Variants in RASA1 observed in about 807,000 individuals in gnomAD.
The protein encoded by RASA1 is RAS p21 protein activator 1, also known as ras GTPase-activating protein 1.
In RASA1, 25 loss-of-function variants were observed where a neutral mutation model predicts 132.2. That is an observed-to-expected ratio of 0.19 (90% CI 0.14 to 0.26). The LOEUF is 0.26. Ranked by LOEUF, RASA1 falls within the 10% of genes least tolerant of loss-of-function variation. The pLI, the probability that RASA1 is intolerant of heterozygous loss-of-function variation, is 1.00. For missense variants in RASA1, 964 were observed against 1,299.2 expected, an observed-to-expected ratio of 0.74 and a Z score of 3.97; for synonymous variants, 477 against 449.9, an observed-to-expected ratio of 1.06 and a Z score of -0.76.
At chr5:87,328,143 A>AT (rs1757367309) in intron 1 of RASA1, among the ~76,000 whole-genome samples, 1 of 152,194 alleles carries the variant, frequency 6.6e-6, no homozygotes, top group South Asian at 2.1e-4. Context: ...AAAACTTATT[A>AT]TTGCTATGTG....
intron 1 of RASA1, among the ~76,000 whole-genome samples, chr5:87,298,970 G>A (rs1755237517): frequency 6.6e-6 from 1 of 152,160 alleles, no homozygotes; most frequent in African/African-American, 2.4e-5. Context: ...TGCATTTTGG[G>A]CCTGTGCTCT....
At chr5:87,338,901 C>G (rs1014018207) in intron 5 of RASA1, among the ~76,000 whole-genome samples, 1 of 151,996 alleles carries the variant, frequency 6.6e-6, no homozygotes, top group African/African-American at 2.4e-5. Flanking sequence ...TTGTTTCCAT[C>G]ATATAATACG....
At chr5:87,366,630 GA>G (rs1168920105) in intron 11 of RASA1, 1 of 159,232 alleles carries the variant, frequency 6.3e-6, no homozygotes, top group Non-Finnish European at 1.4e-5. Context: ...GAAGACATTA[GA>G]AAAAGTCTTT....
intron 6 of RASA1, among the ~76,000 whole-genome samples, chr5:87,342,313 C>T (rs1483141392): frequency 1.3e-5 from 2 of 152,068 alleles, no homozygotes; most frequent in East Asian, 3.9e-4. Flanking sequence ...CGCACAACAC[C>T]ATGCTAGGCT....
chr5:87,374,304 G>C lies in RASA1; in HGVS notation c.1918G>C (p.Glu640Gln). The change falls in exon 14 of 25, where the codon GAA (glutamate) becomes CAA (glutamine). Residue 640 changes from glutamate (E) to glutamine (Q), a missense_variant. Glu to Gln is a conservative substitution (Grantham distance 29, BLOSUM62 2). This residue lies in a region of RASA1 where 346 missense variants were observed against 520.1 expected (regional missense o/e 0.67). Transcript: ENST00000274376. ...GGAAGGGCAAAACCCAGTATGGTCA[G>C]AAGAGTTTGTCTTTGAGTAAGTCTT... ...AREGQNPVWS[E>Q]EFVFDDLPPD... 1 of 1,606,538 alleles carries C rather than the reference G, an allele frequency of 6.2e-7. No homozygotes were observed. Among genetic ancestry groups the C allele is most frequent in the African/African-American group, 1.3e-5 (1 of 74,754 alleles).
intron 11 of RASA1, among the ~76,000 whole-genome samples, chr5:87,367,571 C>CT (rs1311883464): frequency 8.5e-5 from 13 of 152,302 alleles, no homozygotes; most frequent in Non-Finnish European, 1.8e-4. Flanking sequence ...TAAGAGATCT[C>CT]TAAGCACTCC....
At chr5:87,277,492 G>GT (rs980653889) in intron 1 of RASA1, among the ~76,000 whole-genome samples, 24 of 152,306 alleles carry the variant, frequency 1.6e-4, no homozygotes, top group African/African-American at 5.8e-4. Flanking sequence ...AAAAGGTCAT[G>GT]TGAGGACATG....
chr5:87,283,343 C>T (rs765123973), intron 1 of RASA1, among the ~76,000 whole-genome samples: 4 of 151,690 alleles, frequency 2.6e-5, no homozygotes, highest in South Asian at 2.1e-4. Flanking sequence ...TCAACATTAA[C>T]ATGTTTATTT....
rs3069490 is a variant in RASA1, at chr5:87,338,501, T to TTATATA, written c.1017+437_1017+442dup. On this transcript the variant is annotated intron_variant, in intron 5 of 24. Transcript: ENST00000274376. ...CATGTGCCACCATGCCCAGCTAATT[T>TTATATA]TATATATATATATATATATATATAT... Among the ~76,000 whole-genome samples, 210 of 75,656 alleles carry TTATATA rather than the reference T, an allele frequency of 2.8e-3. 2 individuals carry two copies. Among genetic ancestry groups the TTATATA allele is most frequent in the African/African-American group, 8.7e-3 (178 of 20,546 alleles). The allele number at this position is 75,656 out of a possible 152,430, so 49.6% of individuals were successfully genotyped here.
intron 1 of RASA1, among the ~76,000 whole-genome samples, chr5:87,319,264 T>C (rs1756592943): frequency 6.6e-6 from 1 of 152,232 alleles, no homozygotes; most frequent in African/African-American, 2.4e-5. Flanking sequence ...TGGAGGATGA[T>C]GGCCCTCTTC....
At position 87,271,452 on chromosome 5, in the gene RASA1, CTTTTTTTTTTTTTTTTTTT is replaced by C. The variant is rs201918763; in HGVS notation, c.539+2476_539+2494del. Among the ~76,000 whole-genome samples the C allele has an allele frequency of 1.4e-3, 52 of 38,224 alleles. 1 individual carries two copies. The highest frequency in any genetic ancestry group is 0.012 in the East Asian group (33 of 2,772). The allele number at this position is 38,224 out of a possible 152,430, so 25.1% of individuals were successfully genotyped here. A position where few individuals can be genotyped will look rare whatever the true frequency, so the allele number is the denominator to read the frequency against. ...AAAAAAAACTGTTTTTAGTAGACTT[CTTTTTTTTTTTTTTTTTTT>C]TTTTTTTTTTTTTGAGAGATGGAGT... On this transcript the variant is annotated intron_variant, in intron 1 of 24. Transcript: ENST00000274376.
At chr5:87,284,757 G>A (rs1430703088) in intron 1 of RASA1, among the ~76,000 whole-genome samples, 1 of 151,856 alleles carries the variant, frequency 6.6e-6, no homozygotes, top group Non-Finnish European at 1.5e-5. Context: ...CAGGGAATTT[G>A]GAAAAAAAGA....
At chr5:87,292,291 G>A (rs1754942597) in intron 1 of RASA1, among the ~76,000 whole-genome samples, 1 of 150,226 alleles carries the variant, frequency 6.7e-6, no homozygotes, top group Non-Finnish European at 1.5e-5. Context: ...GAGTTTTATA[G>A]TTTTGCATTT....
chr5:87,268,789 A>T lies in RASA1; in HGVS notation c.338A>T (p.Asp113Val), dbSNP rs748658296. ...GCTGCTGTTGCTGGACCTAGTGGAG[A>T]CATGGCTCTCACCAAACTGCCCACT... is the stretch of plus-strand genomic sequence containing the variant. Reference protein sequence around the residue: ...AGAAVAGPSGDMALTKLPTSL... With the variant: ...AGAAVAGPSGVMALTKLPTSL... The change falls in exon 1 of 25, where the codon GAC becomes GTC. Residue 113 changes from aspartate (D) to valine (V), a missense_variant. Physicochemically the swap from Asp to Val is radical, Grantham distance 152. Coordinates refer to ENST00000274376, the MANE Select transcript of RASA1 (RefSeq NM_002890.3). 1.3e-5 allele frequency: 21 copies of T among 1,613,728 alleles called. No homozygotes were observed. Among genetic ancestry groups the T allele is most frequent in the Non-Finnish European group, 1.8e-5 (21 of 1,179,946 alleles).
chr5:87,272,389 G>A (rs1753884499), intron 1 of RASA1, among the ~76,000 whole-genome samples: 1 of 152,128 alleles, frequency 6.6e-6, no homozygotes, highest in African/African-American at 2.4e-5. Flanking sequence ...TGGAGGCAAT[G>A]CAGTGTAGTG....
At chr5:87,313,512 T>C (rs1580234205) in intron 1 of RASA1, among the ~76,000 whole-genome samples, 2 of 152,204 alleles carry the variant, frequency 1.3e-5, no homozygotes, top group African/African-American at 4.8e-5. Flanking sequence ...GCAGGACTTT[T>C]TGACAGATTT....
chr5:87,343,233 T>A (rs1306591820), intron 6 of RASA1, among the ~76,000 whole-genome samples: 1 of 152,168 alleles, frequency 6.6e-6, no homozygotes, highest in African/African-American at 2.4e-5. Context: ...CAAGTCCTGA[T>A]GACTTTATCT....
At chr5:87,359,167 T>A (rs1759881775) in intron 9 of RASA1, among the ~76,000 whole-genome samples, 1 of 152,184 alleles carries the variant, frequency 6.6e-6, no homozygotes. Flanking sequence ...TGAATTAATA[T>A]ATTAAATGGC....
intron 1 of RASA1, among the ~76,000 whole-genome samples, chr5:87,326,992 A>G (rs1040621768): frequency 6.6e-6 from 1 of 152,180 alleles, no homozygotes; most frequent in Non-Finnish European, 1.5e-5. Context: ...AACAGTCATA[A>G]AATTTGTTAG....
Sources: gnomAD v4.1 joint callset for allele counts (sites outside exome capture counted in the v4.1 genomes callset) on GRCh38, gnomAD v4.1.1 for gene constraint, gnomAD v4.1.1 regional missense constraint, MANE v1.5 for transcripts, NCBI Gene and HGNC (gene_info 2026-07-23, HGNC 2026-07-21) for gene names.